PKHD1L1: variants seen among roughly 807,000 people sequenced by gnomAD.
The protein encoded by PKHD1L1 is PKHD1 like 1.
A neutral mutation model predicts 462.9 loss-of-function variants in PKHD1L1; 434 were observed. That is an observed-to-expected ratio of 0.94 (90% CI 0.87 to 1.02). The LOEUF is 1.02. Ranked by LOEUF, PKHD1L1 falls within the 50% of genes least tolerant of loss-of-function variation. The pLI, the probability that PKHD1L1 is intolerant of heterozygous loss-of-function variation, is 0.00. For synonymous variants in PKHD1L1, 1,781 were observed against 1,750.0 expected, an observed-to-expected ratio of 1.02 and a Z score of -0.44; for missense variants, 5,202 against 5,096.1, an observed-to-expected ratio of 1.02 and a Z score of -0.63.
chr8:109,486,763 C>G lies in PKHD1L1; in HGVS notation c.9822C>G (p.Asp3274Glu). ...AAGATTACCCCGGTTGGTCTGAGGA[C>G]TCTTTTGGAGCACGCGTACTGGTTG... ...VGEDYPGWSE[D>E]SFGARVLVGS... is the part of the protein sequence containing the mutation. The change falls in exon 59 of 78, where the codon GAC becomes GAG. Residue 3274 changes from aspartate to glutamate, a missense_variant. By Grantham distance (45) the Asp-to-Glu change is conservative. Around this residue, in one of 3 missense-constraint regions of PKHD1L1, gnomAD observed 4,497 missense variants for 4,336.8 expected, o/e 1.04. Coordinates refer to ENST00000378402, the MANE Select transcript of PKHD1L1 (RefSeq NM_177531.6). 3.7e-6 allele frequency: 6 copies of G among 1,612,472 alleles called. No individual in the cohort carries two copies. The highest frequency in any genetic ancestry group is 5.1e-6 in the Non-Finnish European group (6 of 1,178,870).
chr8:109,413,005 A>ATC (rs1247119640), intron 20 of PKHD1L1, among the ~76,000 whole-genome samples: 1 of 151,994 alleles, frequency 6.6e-6, no homozygotes, highest in Non-Finnish European at 1.5e-5. Context: ...AGTGACATTC[A>ATC]TCTCTCTCTC....
chr8:109,523,442 A>G (rs2131034067), intron 76 of PKHD1L1, 56 bp downstream of exon 76: 6 of 1,460,526 alleles, frequency 4.1e-6, no homozygotes, highest in East Asian at 2.3e-5. Context: ...GACAATTATA[A>G]TGTTCTTTTA....
Position 109,464,767 on chromosome 8 carries a change from T to G in PKHD1L1, c.7935T>G (p.Pro2645=), listed in dbSNP as rs766689855. 64 of 1,613,750 alleles carry G rather than the reference T, an allele frequency of 4.0e-5. No homozygotes were observed. The highest frequency in any genetic ancestry group is 4.6e-5 in the Non-Finnish European group (54 of 1,179,808). Residue 2645 remains proline, a synonymous_variant, in exon 49 of 78, where the codon CCT becomes CCG. Transcript: ENST00000378402. ...CTTGTACATCTACAGTGCCTGCACC[T>G]GCAATATTTAACTCACTTACTACTT... is the stretch of plus-strand genomic sequence containing the variant. ...TGSCTSTVPA[P]AIFNSLTTWN... is the part of the protein sequence containing the mutation.
chr8:109,445,938 T>C (rs996728358), intron 38 of PKHD1L1, among the ~76,000 whole-genome samples: 1 of 152,202 alleles, frequency 6.6e-6, no homozygotes, highest in Non-Finnish European at 1.5e-5. Context: ...CCAAAACTGA[T>C]AATTCATTTA....
In PKHD1L1 at chr8:109,444,705, G is replaced by C. The variant is rs530142524; in HGVS notation, c.4836G>C (p.Glu1612Asp). ...CCTGTGTCGTAGAAGAAAGTAGTGA[G>C]GATTCAATTACATGTCATATTGACC... ...SYPCVVEESS[E>D]DSITCHIDPQ... Residue 1612 changes from glutamate to aspartate, a missense_variant, in exon 38 of 78, where the codon GAG (glutamate) becomes GAC (aspartate). Glu to Asp is a conservative substitution (Grantham distance 45). Transcript: ENST00000378402. The C allele has an allele frequency of 1.2e-6, 2 of 1,613,842 alleles. No homozygotes were observed. The highest frequency in any genetic ancestry group is 2.2e-5 in the South Asian group (2 of 91,074).
At chr8:109,529,181 CT>C (rs1820959856) in intron 77 of PKHD1L1, among the ~76,000 whole-genome samples, 1 of 151,920 alleles carries the variant, frequency 6.6e-6, no homozygotes. Flanking sequence ...AACTGCTGGG[CT>C]TTCATGAATA....
chr8:109,422,727 A>G (rs1814537290), intron 23 of PKHD1L1, among the ~76,000 whole-genome samples: 2 of 152,134 alleles, frequency 1.3e-5, no homozygotes, highest in Admixed American at 1.3e-4. Context: ...TTTCTCGGTT[A>G]AATTCCCAAC....
intron 9 of PKHD1L1, among the ~76,000 whole-genome samples, chr8:109,392,370 T>A (rs1385161312): frequency 6.6e-6 from 1 of 152,138 alleles, no homozygotes; most frequent in Non-Finnish European, 1.5e-5. Context: ...TACCCATAAA[T>A]CAATATGCTG....
At chr8:109,522,648 A>G in intron 74 of PKHD1L1, 96 bp from the exon 75 acceptor site, 5 of 1,216,358 alleles carry the variant, frequency 4.1e-6, no homozygotes, top group Non-Finnish European at 5.5e-6. Context: ...TTCCAAAATA[A>G]ATAATGAATA....
chr8:109,403,510 A>C (rs1563741211), intron 14 of PKHD1L1, among the ~76,000 whole-genome samples: 1 of 152,176 alleles, frequency 6.6e-6, no homozygotes, highest in Non-Finnish European at 1.5e-5. Context: ...ATTGTCTAGC[A>C]CAAAGAAAGT....
At chr8:109,525,120 T>C (rs1820752967) in intron 76 of PKHD1L1, among the ~76,000 whole-genome samples, 2 of 152,148 alleles carry the variant, frequency 1.3e-5, no homozygotes, top group African/African-American at 4.8e-5. Flanking sequence ...ACCCCCACAG[T>C]CACTGCACTG....
At chr8:109,439,487 C>T (rs1282426874) in intron 32 of PKHD1L1, among the ~76,000 whole-genome samples, 2 of 152,022 alleles carry the variant, frequency 1.3e-5, no homozygotes, top group African/African-American at 4.8e-5. Context: ...CAGAGGATTA[C>T]CTCAAGAGTT....
intron 44 of PKHD1L1, 89 bp downstream of exon 44, chr8:109,454,335 A>T: frequency 1.2e-6 from 1 of 857,350 alleles, no homozygotes; most frequent in Non-Finnish European, 1.8e-6. Context: ...AGTTAATTAT[A>T]TCAACCTCTC....
chr8:109,465,198 G>A lies in PKHD1L1; in HGVS notation c.8366G>A (p.Arg2789His), dbSNP rs371036031. 54 of 1,613,508 alleles carry A rather than the reference G, an allele frequency of 3.3e-5. No homozygotes were observed. Among genetic ancestry groups the A allele is most frequent in the South Asian group, 2.7e-4 (25 of 91,048 alleles). Residue 2789 changes from arginine to histidine, a missense_variant, in exon 49 of 78, where the codon CGC becomes CAC. This residue lies in a region of PKHD1L1 where 4,497 missense variants were observed against 4,336.8 expected (regional missense o/e 1.04). Coordinates refer to ENST00000378402, the MANE Select transcript of PKHD1L1 (RefSeq NM_177531.6). ...CACACACCGAACAAGGCTGGCTTTC[G>A]CTGGGAACATGAAATGGTAATGATT... ...YSHTPNKAGF[R>H]WEHEMVMIDV...
In PKHD1L1 at chr8:109,449,342, C is replaced by G; in HGVS notation, c.6030C>G (p.Ser2010Arg). Residue 2010 changes from serine (S) to arginine (R), a missense_variant, in exon 40 of 78, where the codon AGC (serine) becomes AGG (arginine). By Grantham distance (110) the Ser-to-Arg change is moderately radical (BLOSUM62 -1). Transcript: ENST00000378402. Reference sequence around the variant, plus strand: ...CTTTTTATTTGTCTTCACTAGGGAGCTTTGGTGGGGGTCAAACCATGACTG... The same window carrying G: ...CTTTTTATTTGTCTTCACTAGGGAGGTTTGGTGGGGGTCAAACCATGACTG... ...NIQNINPSQG[S>R]FGGGQTMTVT... is the part of the protein sequence containing the mutation. 6.4e-7 allele frequency: 1 copy of G among 1,570,670 alleles called. No homozygotes were observed. The highest frequency in any genetic ancestry group is 8.6e-7 in the Non-Finnish European group (1 of 1,156,640).
intron 23 of PKHD1L1, 149 bp downstream of exon 23, chr8:109,420,839 TTAAG>T (rs1278054583): frequency 1.7e-6 from 1 of 593,170 alleles, no homozygotes; most frequent in Non-Finnish European, 2.6e-6. Context: ...AAAATTGACT[TTAAG>T]TATTAAAAAA....
rs1554582787 is a variant in PKHD1L1, at chr8:109,461,744, T to TA, written c.7247-26dup. 6.0e-5 allele frequency: 96 copies of TA among 1,590,514 alleles called. No individual in the cohort carries two copies. The South Asian group carries it at 1.0e-3, about 17-fold the overall frequency. On this transcript the variant is annotated intron_variant, in intron 47 of 77. Transcript: ENST00000378402. ...TATAAGAGGATTCCGACAATTTTTT[T>TA]AATGATGCTTTAAAAACTGTTTTGA...
chr8:109,440,988 TG>T, intron 33 of PKHD1L1, 136 bp downstream of exon 33: 1 of 1,099,980 alleles, frequency 9.1e-7, no homozygotes, highest in Middle Eastern at 2.8e-4. Context: ...TAAGTGTATT[TG>T]GTTAAAGTGA....
intron 11 of PKHD1L1, 54 bp downstream of exon 11, chr8:109,396,191 C>T: frequency 1.6e-6 from 2 of 1,238,800 alleles, no homozygotes; most frequent in African/African-American, 1.5e-5. Flanking sequence ...TCTGCCTGCT[C>T]TTTAATAATT....
Sources: allele counts gnomAD v4.1 joint callset (sites outside exome capture counted in the v4.1 genomes callset), GRCh38; gene constraint gnomAD v4.1.1; regional missense constraint gnomAD v4.1.1; transcripts MANE v1.5; gene names NCBI Gene and HGNC (gene_info 2026-07-23, HGNC 2026-07-21).